Variants in SLC22A15 observed in about 807,000 individuals in gnomAD.
SLC22A15 encodes the protein solute carrier family 22 member 15, also known as flipt 1.
SLC22A15 carries 45 observed loss-of-function variants against 62.7 expected under a neutral mutation model. The ratio of observed to expected loss-of-function variants is 0.72; its 90% CI spans 0.56 to 0.92. The LOEUF is 0.92. SLC22A15 is among the 40% of genes least tolerant of loss of function. The pLI is 0.00. For synonymous variants in SLC22A15, 264 were observed against 267.0 expected, an observed-to-expected ratio of 0.99 and a Z score of 0.11; for missense variants, 622 against 665.6, an observed-to-expected ratio of 0.93 and a Z score of 0.72.
At chr1:115,976,858 A>T in intron 1 of SLC22A15, 144 bp downstream of exon 1, 1 of 573,092 alleles carries the variant, frequency 1.7e-6, no homozygotes, top group Non-Finnish European at 2.8e-6. Context: ...GGGGTGGGGC[A>T]GGGGCGAGGC....
intron 4 of SLC22A15, among the ~76,000 whole-genome samples, chr1:116,021,706 A>G (rs182741072): frequency 6.6e-6 from 1 of 152,306 alleles, no homozygotes; most frequent in East Asian, 1.9e-4. Flanking sequence ...ACCAGCTACC[A>G]TGCTAGGCAT....
intron 1 of SLC22A15, among the ~76,000 whole-genome samples, chr1:115,991,675 T>A (rs1157255335): frequency 6.6e-6 from 1 of 152,204 alleles, no homozygotes; most frequent in African/African-American, 2.4e-5. Context: ...ATAGCTGGAA[T>A]GTTACTCTTT....
At chr1:116,055,559 G>A (rs1396207119) in intron 8 of SLC22A15, among the ~76,000 whole-genome samples, 2 of 148,438 alleles carry the variant, frequency 1.3e-5, no homozygotes, top group Admixed American at 6.7e-5. Flanking sequence ...ATTTTATGAG[G>A]CCAGCATCAT....
intron 8 of SLC22A15, among the ~76,000 whole-genome samples, chr1:116,045,738 C>CA (rs34360597): frequency 0.28 from 28,849 of 101,650 alleles, 6,485 homozygotes; most frequent in African/African-American, 0.57. Flanking sequence ...GACTCCATCT[C>CA]AAAAAAAAAA....
At chr1:116,018,704 T>G (rs1461315546) in intron 2 of SLC22A15, among the ~76,000 whole-genome samples, 1 of 152,218 alleles carries the variant, frequency 6.6e-6, no homozygotes, top group African/African-American at 2.4e-5. Flanking sequence ...CAATGTATAG[T>G]GATCAAATAA....
intron 8 of SLC22A15, among the ~76,000 whole-genome samples, chr1:116,047,851 G>A (rs971732636): frequency 2.0e-5 from 3 of 152,090 alleles, no homozygotes; most frequent in Non-Finnish European, 2.9e-5. Context: ...AGTGAAGGGA[G>A]AAATATTCAA....
At chr1:116,048,079 G>A (rs1222283657) in intron 8 of SLC22A15, among the ~76,000 whole-genome samples, 1 of 152,100 alleles carries the variant, frequency 6.6e-6, no homozygotes, top group East Asian at 1.9e-4. Context: ...AGAAGTCTGG[G>A]GTTATGTTAA....
chr1:115,978,319 C>T (rs1425357656), intron 1 of SLC22A15, among the ~76,000 whole-genome samples: 3 of 152,252 alleles, frequency 2.0e-5, no homozygotes, highest in African/African-American at 7.2e-5. Flanking sequence ...CCAGTGTTCT[C>T]GGTTTAGGAC....
chr1:116,005,911 A>T lies in SLC22A15; in HGVS notation c.300+13668A>T, dbSNP rs141778112. Reference sequence around the variant, plus strand: ...TTCACAGTGTTAGACCACTTTTGGTATTCATTATTACTAGTCAATAGGCTG... The same window carrying T: ...TTCACAGTGTTAGACCACTTTTGGTTTTCATTATTACTAGTCAATAGGCTG... On this transcript the variant is annotated intron_variant, in intron 2 of 11. Transcript: ENST00000369503. Among the ~76,000 whole-genome samples the T allele has an allele frequency of 1.0e-3, 156 of 152,284 alleles. 1 individual carries two copies. Among genetic ancestry groups the T allele is most frequent in the African/African-American group, 3.5e-3 (144 of 41,554 alleles).
At chr1:116,012,849 A>G (rs1159023568) in intron 2 of SLC22A15, among the ~76,000 whole-genome samples, 1 of 152,206 alleles carries the variant, frequency 6.6e-6, no homozygotes, top group Non-Finnish European at 1.5e-5. Flanking sequence ...TTCCTGGGCT[A>G]GTAGTAAGTG....
intron 1 of SLC22A15, among the ~76,000 whole-genome samples, chr1:115,980,326 A>G (rs964206544): frequency 6.6e-6 from 1 of 152,176 alleles, no homozygotes; most frequent in Non-Finnish European, 1.5e-5. Flanking sequence ...CCTAGCATTG[A>G]ACTCCTAGGT....
intron 8 of SLC22A15, among the ~76,000 whole-genome samples, chr1:116,060,687 T>C (rs778357823): frequency 1.3e-5 from 2 of 152,214 alleles, no homozygotes; most frequent in African/African-American, 2.4e-5. Flanking sequence ...TGGAAAATAA[T>C]TGATGAATTT....
chr1:115,987,266 C>T (rs1358969798), intron 1 of SLC22A15, among the ~76,000 whole-genome samples: 1 of 151,150 alleles, frequency 6.6e-6, no homozygotes, highest in Non-Finnish European at 1.5e-5. Context: ...CCCGGGTTCA[C>T]GCCATTCTCC....
intron 2 of SLC22A15, among the ~76,000 whole-genome samples, chr1:115,993,666 A>T (rs1020749863): frequency 6.6e-6 from 1 of 152,208 alleles, no homozygotes; most frequent in African/African-American, 2.4e-5. Flanking sequence ...TTGAGGGACC[A>T]CCAAAGCAGC....
intron 2 of SLC22A15, among the ~76,000 whole-genome samples, chr1:115,996,973 C>T (rs1655460368): frequency 6.6e-6 from 1 of 151,430 alleles, no homozygotes; most frequent in Non-Finnish European, 1.5e-5. Context: ...TTTGTTTTAC[C>T]TTATTCCTCT....
intron 1 of SLC22A15, among the ~76,000 whole-genome samples, chr1:115,989,552 AG>A (rs1388916806): frequency 6.6e-6 from 1 of 152,146 alleles, no homozygotes; most frequent in African/African-American, 2.4e-5. Flanking sequence ...AGGCCGAGGC[AG>A]GTGGATCACT....
At chr1:116,019,483 C>G in intron 2 of SLC22A15, 99 bp from the exon 3 acceptor site, 1 of 1,126,628 alleles carries the variant, frequency 8.9e-7, no homozygotes, top group Non-Finnish European at 1.2e-6. Flanking sequence ...GTGGATCATG[C>G]AGTATAGAAA....
At chr1:116,005,547 A>G (rs1557881431) in intron 2 of SLC22A15, among the ~76,000 whole-genome samples, 1 of 152,202 alleles carries the variant, frequency 6.6e-6, no homozygotes, top group Non-Finnish European at 1.5e-5. Context: ...AAAGTAGCAC[A>G]TAAAAAACTG....
chr1:116,066,899 A>G (rs1237420941), intron 11 of SLC22A15, 120 bp from the exon 12 acceptor site: 4 of 965,070 alleles, frequency 4.1e-6, no homozygotes, highest in Middle Eastern at 3.2e-4. Flanking sequence ...TTTAGGGGCT[A>G]TTTCTTGGGG....
Sources: allele counts gnomAD v4.1 joint callset (sites outside exome capture counted in the v4.1 genomes callset), GRCh38; gene constraint gnomAD v4.1.1; transcripts MANE v1.5; gene names NCBI Gene and HGNC (gene_info 2026-07-23, HGNC 2026-07-21).